JAK1: variants seen among roughly 807,000 people sequenced by gnomAD.
JAK1 encodes Janus kinase 1.
Under a neutral mutation model 136.6 loss-of-function variants are expected in JAK1, and 16 were observed. The observed-to-expected ratio is 0.12, with a 90% CI of 0.08 to 0.18. The LOEUF (loss-of-function observed/expected upper bound fraction) is 0.18, where lower values mean the gene tolerates loss of function less well. Ranked by LOEUF, JAK1 falls within the 10% of genes least tolerant of loss-of-function variation. The probability of loss-of-function intolerance (pLI) is 1.00; values close to 1 mark genes in which losing one functional copy is unlikely to be tolerated. For missense variants in JAK1, 859 were observed against 1,450.1 expected, an observed-to-expected ratio of 0.59 and a Z score of 6.62; for synonymous variants, 492 against 519.5, an observed-to-expected ratio of 0.95 and a Z score of 0.72.
Position 64,923,633 on chromosome 1 carries a change from A to G in JAK1, c.-77-37292T>C, listed in dbSNP as rs139395804. On this transcript the variant is annotated intron_variant, in intron 1 of 24. Transcript: ENST00000342505. ...GTAACCACTTCACATCTACTCATACACTCCCATTTTCTAAAACTTCGAAAC... is the reference window on the plus strand; with the variant it reads ...GTAACCACTTCACATCTACTCATACGCTCCCATTTTCTAAAACTTCGAAAC... Among the ~76,000 whole-genome samples, 16 of 152,074 alleles carry G rather than the reference A, an allele frequency of 1.1e-4. No individual in the cohort carries two copies. The East Asian group carries it at 2.7e-3, about 26-fold the overall frequency.
chr1:64,844,090 G>A lies in JAK1; in HGVS notation c.2377C>T (p.Pro793Ser), dbSNP rs2100989608. Residue 793 changes from proline to serine, a missense_variant, in exon 17 of 25, where the codon CCC becomes TCC. By Grantham distance (74) the Pro-to-Ser change is moderately conservative. Coordinates refer to ENST00000342505, the MANE Select transcript of JAK1 (RefSeq NM_002227.4). This position sits in a 1 kb window ranked among gnomAD's most constrained non-coding sequence, Gnocchi z 5.7. ...TCAATCAGCGTCTTGTCTTTCAAGG[G>A]GATCTCGCCATTGTAGCAGATTTCC... is the stretch of plus-strand genomic sequence containing the variant. ...LWEICYNGEI[P>S]LKDKTLIEKE... The A allele has an allele frequency of 6.2e-7, 1 of 1,614,134 alleles. No individual in the cohort carries two copies. The highest frequency in any genetic ancestry group is 8.5e-7 in the Non-Finnish European group (1 of 1,180,028).
At position 64,869,304 on chromosome 1, in the gene JAK1, G is replaced by A. The variant is rs145378558; in HGVS notation, c.647+7C>T. The A allele has an allele frequency of 1.1e-3, 1,817 of 1,612,692 alleles. 21 individuals are homozygous for A. In the African/African-American group the frequency reaches 0.022, roughly 20 times the overall value. ...CAATCAATTCTTCAGCCAGTGGGAAGCTTTACCTGATGTCCTTGGGCAGTT... is the reference window on the plus strand; with the variant it reads ...CAATCAATTCTTCAGCCAGTGGGAAACTTTACCTGATGTCCTTGGGCAGTT... On this transcript the variant is annotated splice_region_variant and intron_variant, in intron 6 of 24. Coordinates refer to ENST00000342505, the MANE Select transcript of JAK1 (RefSeq NM_002227.4).
chr1:64,876,472 G>A (rs1017011392), intron 4 of JAK1: 1 of 152,176 alleles, frequency 6.6e-6, no homozygotes, highest in African/African-American at 2.4e-5. Context: ...CTGGAACAAA[G>A]GCTAAAGGTA....
At chr1:64,949,928 C>T (rs1317083653) in intron 1 of JAK1, among the ~76,000 whole-genome samples, 1 of 152,164 alleles carries the variant, frequency 6.6e-6, no homozygotes, top group East Asian at 1.9e-4. Flanking sequence ...AATAAATTAA[C>T]ACAACTAAAT....
At chr1:64,850,128 C>T (rs891702438) in intron 12 of JAK1, among the ~76,000 whole-genome samples, 5 of 152,162 alleles carry the variant, frequency 3.3e-5, no homozygotes, top group Admixed American at 6.5e-5. Context: ...CCAAGGCTGC[C>T]GCACCATCTC....
chr1:64,876,893 C>A (rs1003403820), intron 4 of JAK1, among the ~76,000 whole-genome samples: 1 of 152,150 alleles, frequency 6.6e-6, no homozygotes, highest in African/African-American at 2.4e-5. Context: ...CAGATAACTG[C>A]ATATTTTAAG....
chr1:64,844,670 G>C lies in JAK1; in HGVS notation c.2251+84C>G. 5 of 1,540,448 alleles carry C rather than the reference G, an allele frequency of 3.2e-6. No homozygotes were observed. Among genetic ancestry groups the C allele is most frequent in the Non-Finnish European group, 4.5e-6 (5 of 1,120,214 alleles). The stretch of plus-strand genomic sequence containing the variant: ...CAAAAAAAAAATGACTCTCTAAAAG[G>C]AGACCAACCCCAGCCCAGCCCTTCT... On this transcript the variant is annotated intron_variant, in intron 16 of 24. Coordinates refer to ENST00000342505, the MANE Select transcript of JAK1 (RefSeq NM_002227.4). The surrounding 1 kb of genome is among the most constrained non-coding windows in gnomAD (Gnocchi z 5.7).
At chr1:65,040,800 C>T (rs3014975) in intron 2 of JAK1, among the ~76,000 whole-genome samples, 2 of 151,486 alleles carry the variant, frequency 1.3e-5, no homozygotes, top group African/African-American at 2.4e-5. Context: ...AGGGATACCA[C>T]GAAAAAAAAC....
chr1:64,968,365 T>A (rs1286200204), upstream of JAK1, among the ~76,000 whole-genome samples: 1 of 152,036 alleles, frequency 6.6e-6, no homozygotes, highest in Non-Finnish European at 1.5e-5. Context: ...AAGTAACAAT[T>A]CAGTGATTCC....
intron 1 of JAK1, among the ~76,000 whole-genome samples, chr1:64,946,909 A>G (rs1645998331): frequency 1.3e-5 from 2 of 152,236 alleles, no homozygotes; most frequent in Non-Finnish European, 2.9e-5. Flanking sequence ...CATCATATGC[A>G]AAAACATGGA....
chr1:65,009,653 G>A (rs185738657), intron 2 of JAK1, among the ~76,000 whole-genome samples: 1 of 152,270 alleles, frequency 6.6e-6, no homozygotes, highest in Admixed American at 6.5e-5. Flanking sequence ...CACCTGCTAT[G>A]ATCCAGACAC....
intron 8 of JAK1, among the ~76,000 whole-genome samples, chr1:64,862,035 C>T (rs1264412814): frequency 6.6e-6 from 1 of 152,186 alleles, no homozygotes; most frequent in Non-Finnish European, 1.5e-5. Context: ...AGAAGTGATA[C>T]ATGAAGGTCT....
chr1:64,905,038 C>T (rs1042211453), intron 1 of JAK1, among the ~76,000 whole-genome samples: 1 of 152,194 alleles, frequency 6.6e-6, no homozygotes, highest in Non-Finnish European at 1.5e-5. Context: ...ACCTAGGGAA[C>T]AGTGGAGGCC....
Position 64,833,673 on chromosome 1 carries a change from G to A in JAK1, c.*889C>T, listed in dbSNP as rs930020663. ...GGAAACCCTCTAAGAACAGTGCAGC[G>A]TATGTGGTATTCAGACTGGTTGCAT... On this transcript the variant is annotated 3_prime_UTR_variant, in exon 25 of 25. Transcript: ENST00000342505. The A allele has an allele frequency of 7.7e-5, 18 of 232,934 alleles. No homozygotes were observed. Among genetic ancestry groups the A allele is most frequent in the Admixed American group, 2.8e-4 (5 of 17,782 alleles). The allele number at this position is 232,934 out of a possible 1,614,324, so 14.4% of individuals were successfully genotyped here. A position where few individuals can be genotyped will look rare whatever the true frequency, so the allele number is the denominator to read the frequency against.
In JAK1 at chr1:64,856,073, T is replaced by TATAAACTCA. The variant is rs1212663849; in HGVS notation, c.1459-376_1459-375insTGAGTTTAT. Among the ~76,000 whole-genome samples, 18 of 152,304 alleles carry TATAAACTCA rather than the reference T, an allele frequency of 1.2e-4. 1 individual carries two copies. The highest frequency in any genetic ancestry group is 3.9e-4 in the Admixed American group (6 of 15,304). On this transcript the variant is annotated intron_variant, in intron 10 of 24. Transcript: ENST00000342505. Reference sequence around the variant, plus strand: ...GTATTGAAAAACTTAGTAAGCCCTTTATAAAGTCCAGCAGATATTATATAT... The same window carrying TATAAACTCA: ...GTATTGAAAAACTTAGTAAGCCCTTTATAAACTCAATAAAGTCCAGCAGATATTATATAT...
intron 2 of JAK1, among the ~76,000 whole-genome samples, chr1:65,032,993 C>T (rs1160776872): frequency 2.0e-5 from 3 of 152,158 alleles, no homozygotes; most frequent in Admixed American, 1.3e-4. Flanking sequence ...GAGCTATTAG[C>T]GAGACTTCCA....
At chr1:64,937,112 T>G (rs1403232398) in intron 1 of JAK1, among the ~76,000 whole-genome samples, 1 of 151,816 alleles carries the variant, frequency 6.6e-6, no homozygotes, top group Non-Finnish European at 1.5e-5. Flanking sequence ...CAGGACCTCA[T>G]GTAGATTGAG....
chr1:64,965,758 T>G (rs2100650764), intron 1 of JAK1, among the ~76,000 whole-genome samples: 1 of 152,188 alleles, frequency 6.6e-6, no homozygotes, highest in South Asian at 2.1e-4. Context: ...TAACAGAACC[T>G]AAGAGGGGAG....
chr1:64,971,776 C>G (rs1273944417), intron 2 of JAK1, among the ~76,000 whole-genome samples: 1 of 152,188 alleles, frequency 6.6e-6, no homozygotes, highest in Non-Finnish European at 1.5e-5. Flanking sequence ...CCAGGCTGGT[C>G]TCAAACGCCT....
Sources: gnomAD v4.1 joint callset for allele counts (sites outside exome capture counted in the v4.1 genomes callset) on GRCh38, gnomAD v4.1.1 for gene constraint, Gnocchi (gnomAD v3.1) non-coding constraint, MANE v1.5 for transcripts, NCBI Gene and HGNC (gene_info 2026-07-23, HGNC 2026-07-21) for gene names.